Variants in MEIS2 observed in about 807,000 individuals in gnomAD.
MEIS2 encodes the protein homeobox protein Meis2.
A neutral mutation model predicts 58.6 loss-of-function variants in MEIS2; 9 were observed. That is an observed-to-expected ratio of 0.15 (90% CI 0.09 to 0.27). The LOEUF is 0.27. MEIS2 is among the 10% of genes least tolerant of loss of function. The probability of loss-of-function intolerance (pLI) is 1.00; values close to 1 mark genes in which losing one functional copy is unlikely to be tolerated. For missense variants in MEIS2, 427 were observed against 635.0 expected (o/e 0.67, Z 3.52); for synonymous variants, 221 against 228.4 (o/e 0.97, Z 0.29).
At chr15:37,045,307 G>A (rs138608443) in intron 7 of MEIS2, among the ~76,000 whole-genome samples, 128 of 152,170 alleles carry the variant, frequency 8.4e-4, no homozygotes, top group African/African-American at 2.6e-3. Flanking sequence ...CTAATTTTCC[G>A]TCATCACTTC....
chr15:36,915,228 GTCCTGTTATTAAGA>G (rs2057223588), intron 9 of MEIS2, among the ~76,000 whole-genome samples: 1 of 149,926 alleles, frequency 6.7e-6, no homozygotes, highest in Admixed American at 6.7e-5. Context: ...GTGTTTACTT[GTCCTGTTATTAAGA>G]TTTTTATTTT....
At chr15:36,898,558 T>G (rs939778779) in intron 9 of MEIS2, 10 of 152,224 alleles carry the variant, frequency 6.6e-5, no homozygotes, top group African/African-American at 2.4e-4. Flanking sequence ...TTGCTATTTT[T>G]TTCCCTTTTT....
intron 8 of MEIS2, among the ~76,000 whole-genome samples, chr15:36,954,115 G>T (rs1430940517): frequency 6.6e-6 from 1 of 152,060 alleles, no homozygotes; most frequent in Non-Finnish European, 1.5e-5. Context: ...GCTAGTATCT[G>T]GAAGGCTAAA....
chr15:36,894,637 TA>T, intron 11 of MEIS2: 2 of 1,225,716 alleles, frequency 1.6e-6, no homozygotes, highest in East Asian at 4.8e-5. Flanking sequence ...CAAGGAAAAA[TA>T]AAATGGGGGC....
At chr15:36,995,311 G>C (rs1166355054) in intron 8 of MEIS2, among the ~76,000 whole-genome samples, 1 of 152,112 alleles carries the variant, frequency 6.6e-6, no homozygotes, top group Non-Finnish European at 1.5e-5. Flanking sequence ...AACCAAGGAA[G>C]GCCATATCCA....
intron 8 of MEIS2, among the ~76,000 whole-genome samples, chr15:37,000,104 G>A (rs1006794190): frequency 4.6e-5 from 7 of 152,184 alleles, no homozygotes; most frequent in Non-Finnish European, 7.3e-5. Flanking sequence ...CAAATCTGGC[G>A]TGATAGCTAA....
At position 37,053,417 on chromosome 15, in the gene MEIS2, T is replaced by C. The variant is rs574395061; in HGVS notation, c.755-16458A>G. Reference sequence around the variant, plus strand: ...ATTTCTACCACCAGTCAGTAATCACTGGAGAGGGGCCAACTTCACTTCATA... The same window carrying C: ...ATTTCTACCACCAGTCAGTAATCACCGGAGAGGGGCCAACTTCACTTCATA... On this transcript the variant is annotated intron_variant, in intron 7 of 11. Coordinates refer to ENST00000561208, the MANE Select transcript of MEIS2 (RefSeq NM_170675.5). Among the ~76,000 whole-genome samples the C allele has an allele frequency of 3.3e-5, 5 of 152,310 alleles. No individual in the cohort carries two copies. The South Asian group carries it at 1.0e-3, about 32-fold the overall frequency.
chr15:36,997,493 T>TC (rs1207387413), intron 8 of MEIS2, among the ~76,000 whole-genome samples: 2 of 150,772 alleles, frequency 1.3e-5, no homozygotes, highest in African/African-American at 4.9e-5. Context: ...CTCTCTCTTT[T>TC]TTTTTTTTTT....
At chr15:37,045,890 T>C (rs2062646446) in intron 7 of MEIS2, among the ~76,000 whole-genome samples, 1 of 152,172 alleles carries the variant, frequency 6.6e-6, no homozygotes, top group Non-Finnish European at 1.5e-5. Context: ...CAGGCCACCT[T>C]TTTCACACTC....
In MEIS2 at chr15:37,095,557, G is replaced by C. The variant is rs1440171719; in HGVS notation, c.438+7C>G. Reference sequence around the variant, plus strand: ...GCTGGGGAAAAACAAGGAACAGAGAGCCTTACCAAATTGTCCAGCTCTGGA... The same window carrying C: ...GCTGGGGAAAAACAAGGAACAGAGACCCTTACCAAATTGTCCAGCTCTGGA... On this transcript the variant is annotated splice_region_variant and intron_variant, in intron 4 of 11. Coordinates refer to ENST00000561208, the MANE Select transcript of MEIS2 (RefSeq NM_170675.5). 1 of 1,614,188 alleles carries C rather than the reference G, an allele frequency of 6.2e-7. No individual in the cohort carries two copies. Among genetic ancestry groups the C allele is most frequent in the East Asian group, 2.2e-5 (1 of 44,870 alleles).
intron 9 of MEIS2, among the ~76,000 whole-genome samples, chr15:36,899,828 CAT>C (rs1162335037): frequency 6.6e-6 from 1 of 152,148 alleles, no homozygotes; most frequent in Non-Finnish European, 1.5e-5. Context: ...GAATCAGACA[CAT>C]ATGGATTAAG....
intron 8 of MEIS2, among the ~76,000 whole-genome samples, chr15:36,986,420 G>A (rs867424908): frequency 6.6e-6 from 1 of 152,214 alleles, no homozygotes; most frequent in South Asian, 2.1e-4. Flanking sequence ...GCAGGAGGAG[G>A]GAAAAAGAAC....
intron 8 of MEIS2, among the ~76,000 whole-genome samples, chr15:36,996,751 A>G (rs2060535411): frequency 6.6e-6 from 1 of 152,196 alleles, no homozygotes; most frequent in Admixed American, 6.5e-5. Context: ...ATGCTGGCTT[A>G]AGAGCTGAGG....
chr15:36,995,993 ATATATATATG>A (rs1595890763), intron 8 of MEIS2, among the ~76,000 whole-genome samples: 1 of 51,622 alleles, frequency 1.9e-5, no homozygotes, highest in African/African-American at 4.6e-5. Context: ...ATATATATAT[ATATATATATG>A]TATATATATA....
chr15:37,032,607 T>C, intron 8 of MEIS2, among the ~76,000 whole-genome samples: 1 of 152,204 alleles, frequency 6.6e-6, no homozygotes, highest in East Asian at 1.9e-4. Context: ...CAAGAGATTC[T>C]TTCTTCAATC....
intron 7 of MEIS2, among the ~76,000 whole-genome samples, chr15:37,059,755 A>G (rs1888937247): frequency 6.6e-6 from 1 of 152,004 alleles, no homozygotes; most frequent in African/African-American, 2.4e-5. Flanking sequence ...TGGTCGACAC[A>G]ATGAAACTCC....
rs1428955713 is a variant in MEIS2 at position 37,099,080 on chromosome 15, G to A, written c.12+375C>T. 5.1e-6 allele frequency: 5 copies of A among 989,744 alleles called. No homozygotes were observed. In the East Asian group the frequency reaches 4.3e-4, roughly 86 times the overall value. 61.3% of individuals were successfully genotyped at this position (989,744 alleles called of 1,614,324 possible). On this transcript the variant is annotated intron_variant, in intron 1 of 11. Transcript: ENST00000561208. ...GCCCCGAGCCGCGCGAGCCACGGCG[G>A]CAGCGGCGCAGCAGCGGCAGCAGGA... is the stretch of plus-strand genomic sequence containing the variant.
chr15:37,031,388 T>G (rs2061913435), intron 8 of MEIS2, among the ~76,000 whole-genome samples: 2 of 151,588 alleles, frequency 1.3e-5, no homozygotes, highest in Non-Finnish European at 2.9e-5. Flanking sequence ...TCTGTTTCTC[T>G]TTCTCCTTCC....
chr15:37,082,966 C>A (rs1390507003), intron 7 of MEIS2, among the ~76,000 whole-genome samples: 2 of 152,136 alleles, frequency 1.3e-5, no homozygotes, highest in Admixed American at 1.3e-4. Context: ...CCTAGGAGAT[C>A]AGACACCATC....
Sources: allele counts gnomAD v4.1 joint callset (sites outside exome capture counted in the v4.1 genomes callset), GRCh38; gene constraint gnomAD v4.1.1; transcripts MANE v1.5; gene names NCBI Gene and HGNC (gene_info 2026-07-23, HGNC 2026-07-21).